Variants in MRO observed in about 807,000 individuals in gnomAD.
The protein encoded by MRO is maestro.
Under a neutral mutation model 31.0 loss-of-function variants are expected in MRO, and 28 were observed. The observed-to-expected ratio is 0.90, with a 90% CI of 0.67 to 1.24. The LOEUF (loss-of-function observed/expected upper bound fraction) is 1.24, where lower values mean the gene tolerates loss of function less well. MRO is among the 50% of genes most tolerant of loss of function. The probability of loss-of-function intolerance (pLI) is 0.00; values close to 1 mark genes in which losing one functional copy is unlikely to be tolerated. For missense variants in MRO, 332 were observed against 289.2 expected (o/e 1.15, Z -1.07); for synonymous variants, 108 against 108.4 (o/e 1.00, Z 0.02).
rs1056175776 is a variant in MRO at position 50,796,419 on chromosome 18, A to G, written c.*2918T>C. On this transcript the variant is annotated 3_prime_UTR_variant, in exon 8 of 8. Transcript: ENST00000398439. ...AGGATAAAAAAAAAAACATAAAGCC[A>G]TATACAAAAAAAAACTTTTCAGATA... 1 of 151,664 alleles carries G rather than the reference A, an allele frequency of 6.6e-6. No individual in the cohort carries two copies. Among genetic ancestry groups the G allele is most frequent in the Non-Finnish European group, 1.5e-5 (1 of 67,932 alleles). The allele number at this position is 151,664 out of a possible 1,614,324, so 9.4% of individuals were successfully genotyped here.
At chr18:50,815,463 G>C (rs776859573) in intron 2 of MRO, 2 of 278,410 alleles carry the variant, frequency 7.2e-6, no homozygotes, top group East Asian at 1.8e-4. Flanking sequence ...GATCCTGGTC[G>C]TAATAGTAGA....
At chr18:50,804,149 A>T (rs953368184) in intron 5 of MRO, among the ~76,000 whole-genome samples, 1 of 150,844 alleles carries the variant, frequency 6.6e-6, no homozygotes, top group Non-Finnish European at 1.5e-5. Context: ...TGCCCATCTC[A>T]CAGGGTTATT....
intron 3 of MRO, 46 bp from the exon 4 acceptor site, chr18:50,806,896 C>A: frequency 1.9e-6 from 3 of 1,582,892 alleles, no homozygotes; most frequent in South Asian, 1.1e-5. Flanking sequence ...TGTTCAGAGT[C>A]ATACCAATCC....
intron 5 of MRO, among the ~76,000 whole-genome samples, chr18:50,801,787 C>T (rs1913357964): frequency 6.6e-6 from 1 of 152,108 alleles, no homozygotes; most frequent in South Asian, 2.1e-4. Flanking sequence ...GCTACTCCCA[C>T]CTTCCCAGAT....
At chr18:50,810,115 C>T (rs1196429380) in intron 2 of MRO, among the ~76,000 whole-genome samples, 1 of 152,132 alleles carries the variant, frequency 6.6e-6, no homozygotes, top group African/African-American at 2.4e-5. Context: ...CAGGTGCATG[C>T]CACCACGCCC....
chr18:50,803,353 G>T (rs58126156), intron 5 of MRO, among the ~76,000 whole-genome samples: 46,478 of 151,534 alleles, frequency 0.31, 7,423 homozygotes, highest in Middle Eastern at 0.36. Flanking sequence ...CAAAAACTAC[G>T]AAAATTAGCC....
chr18:50,802,985 C>A (rs1474722884), intron 5 of MRO, among the ~76,000 whole-genome samples: 2 of 151,668 alleles, frequency 1.3e-5, no homozygotes, highest in African/African-American at 2.4e-5. Context: ...CAAAGCCATA[C>A]CCTAATGCTT....
chr18:50,816,730 G>C (rs1373445329), intron 2 of MRO, among the ~76,000 whole-genome samples: 1 of 152,048 alleles, frequency 6.6e-6, no homozygotes, highest in Non-Finnish European at 1.5e-5. Context: ...GCATATTTAT[G>C]AATTTAATAG....
chr18:50,813,687 A>G (rs917814507), intron 2 of MRO, among the ~76,000 whole-genome samples: 3 of 152,376 alleles, frequency 2.0e-5, no homozygotes, highest in Non-Finnish European at 4.4e-5. Context: ...ATTCACATTA[A>G]GGATGGAGCT....
intron 5 of MRO, among the ~76,000 whole-genome samples, chr18:50,802,523 T>C (rs1476678494): frequency 6.6e-6 from 1 of 152,122 alleles, no homozygotes; most frequent in African/African-American, 2.4e-5. Flanking sequence ...ATCAGTGTTT[T>C]GTAGTCTAAG....
intron 2 of MRO, among the ~76,000 whole-genome samples, chr18:50,816,553 A>C (rs1179188053): frequency 6.6e-6 from 1 of 152,148 alleles, no homozygotes; most frequent in Non-Finnish European, 1.5e-5. Flanking sequence ...GCTTTGCATA[A>C]ATTTTGCTAA....
chr18:50,819,086 A>G (rs923806364), intron 2 of MRO, among the ~76,000 whole-genome samples: 4 of 151,556 alleles, frequency 2.6e-5, no homozygotes, highest in African/African-American at 9.7e-5. Context: ...TATTAAAAAA[A>G]TCGTCTTCAT....
Position 50,805,207 on chromosome 18 carries a change from A to T in MRO, c.376T>A (p.Leu126Met), listed in dbSNP as rs375807403. The T allele has an allele frequency of 1.3e-5, 21 of 1,613,866 alleles. No homozygotes were observed. The African/African-American group carries it at 2.4e-4, about 18-fold the overall frequency. ...VVLGKIQGKG[L>M]GSFFIDITLQ... ...GTGATATCTATGAAGAAGGAACCCAAACCTTTCCCCTGGATCTTGCCCAGA... is the reference window on the plus strand; with the variant it reads ...GTGATATCTATGAAGAAGGAACCCATACCTTTCCCCTGGATCTTGCCCAGA... Residue 126 changes from leucine (L) to methionine (M), a missense_variant, in exon 5 of 8, where the codon TTG becomes ATG. Leu to Met is a conservative substitution (Grantham distance 15). Coordinates refer to ENST00000398439, the MANE Select transcript of MRO (RefSeq NM_031939.6).
In MRO at chr18:50,799,407, A is replaced by G. The variant is rs371556342; in HGVS notation, c.694-17T>C. The G allele has an allele frequency of 1.9e-5, 30 of 1,612,770 alleles. No homozygotes were observed. In the African/African-American group the frequency reaches 3.5e-4, roughly 19 times the overall value. On this transcript the variant is annotated splice_polypyrimidine_tract_variant and intron_variant, in intron 7 of 7. Transcript: ENST00000398439. Reference sequence around the variant, plus strand: ...ATAGTGGCTCTGAAAGAAATTAGCAAAGGTACGCGTGAGGGCAGGATTCAA... The same window carrying G: ...ATAGTGGCTCTGAAAGAAATTAGCAGAGGTACGCGTGAGGGCAGGATTCAA...
intron 2 of MRO, among the ~76,000 whole-genome samples, chr18:50,813,172 C>T (rs1914610728): frequency 6.6e-6 from 1 of 152,140 alleles, no homozygotes; most frequent in Middle Eastern, 3.2e-3. Context: ...TCCATGAAAC[C>T]CCAGGTGGAT....
intron 5 of MRO, among the ~76,000 whole-genome samples, chr18:50,803,297 C>T (rs1913581396): frequency 6.6e-6 from 1 of 152,004 alleles, no homozygotes; most frequent in African/African-American, 2.4e-5. Context: ...ATCGCTTGAG[C>T]CCGGTCAGAG....
At chr18:50,815,788 C>T (rs935885296) in intron 2 of MRO, 1 of 331,410 alleles carries the variant, frequency 3.0e-6, no homozygotes, top group South Asian at 2.8e-5. Context: ...AATCCCAGCA[C>T]TTTGGGAAGC....
rs191989732 is a variant in MRO, at chr18:50,797,125, G to T, written c.*2212C>A. On this transcript the variant is annotated 3_prime_UTR_variant, in exon 8 of 8. Coordinates refer to ENST00000398439, the MANE Select transcript of MRO (RefSeq NM_031939.6). The stretch of plus-strand genomic sequence containing the variant: ...GTTCATGCTTCTGCAACTGACACAG[G>T]CTTGATGGAGACGCTCGTCTCTTTT... 6.6e-6 allele frequency: 1 copy of T among 152,200 alleles called. No individual in the cohort carries two copies. The highest frequency in any genetic ancestry group is 2.4e-5 in the African/African-American group (1 of 41,444). The allele number at this position is 152,200 out of a possible 1,614,324, so 9.4% of individuals were successfully genotyped here. A position where few individuals can be genotyped will look rare whatever the true frequency, so the allele number is the denominator to read the frequency against.
chr18:50,802,295 C>T (rs1379381140), intron 5 of MRO, among the ~76,000 whole-genome samples: 1 of 152,162 alleles, frequency 6.6e-6, no homozygotes, highest in Non-Finnish European at 1.5e-5. Context: ...CCACCTCTCC[C>T]TGCTTCCAGT....
Sources: gnomAD v4.1 joint callset for allele counts (sites outside exome capture counted in the v4.1 genomes callset) on GRCh38, gnomAD v4.1.1 for gene constraint, MANE v1.5 for transcripts, NCBI Gene and HGNC (gene_info 2026-07-23, HGNC 2026-07-21) for gene names.